The following ASRGL1 variants were observed in gnomAD, a reference collection of about 807,000 sequenced individuals.
The protein encoded by ASRGL1 is asparaginase and isoaspartyl peptidase 1, also known as isoaspartyl peptidase/L-asparaginase.
Under a neutral mutation model 22.4 loss-of-function variants are expected in ASRGL1, and 16 were observed. The observed-to-expected ratio is 0.71, with a 90% confidence interval of 0.48 to 1.08. ASRGL1 has a LOEUF of 1.08. Among genes scored for constraint, ASRGL1 ranks in the 50% least tolerant of loss-of-function variants. The pLI is 0.00. For missense variants in ASRGL1, 412 were observed against 410.1 expected, an observed-to-expected ratio of 1.00 and a Z score of -0.04; for synonymous variants, 165 against 159.3, an observed-to-expected ratio of 1.04 and a Z score of -0.27.
Position 62,357,028 on chromosome 11 carries a change from T to G in ASRGL1, c.375T>G (p.Phe125Leu). The G allele has an allele frequency of 6.2e-7, 1 of 1,614,058 alleles. No homozygotes were observed. Among genetic ancestry groups the G allele is most frequent in the Non-Finnish European group, 8.5e-7 (1 of 1,180,028 alleles). ...TGACTGACCAAGGCGCAGCGCAGTT[T>G]GCAGCAGCTATGGGGGTTCCAGAGA... Reference protein sequence around the residue: ...CFLTDQGAAQFAAAMGVPEIP... With the variant: ...CFLTDQGAAQLAAAMGVPEIP... Residue 125 changes from phenylalanine (F) to leucine (L), a missense_variant, in exon 4 of 7, where the codon TTT becomes TTG. Coordinates refer to ENST00000415229, the MANE Select transcript of ASRGL1 (RefSeq NM_001083926.2).
chr11:62,343,730 C>CAAA (rs71053038), intron 2 of ASRGL1, among the ~76,000 whole-genome samples: 56 of 68,640 alleles, frequency 8.2e-4, no homozygotes, highest in South Asian at 1.2e-3. Flanking sequence ...TCCAGCTCCA[C>CAAA]AAAAAAAAAA....
At chr11:62,372,700 C>G in intron 4 of ASRGL1, 3 of 1,320,994 alleles carry the variant, frequency 2.3e-6, no homozygotes, top group Admixed American at 3.4e-5. Flanking sequence ...CTGGGCTACA[C>G]AGAGCAGAAG....
the ASRGL1 span, among the ~76,000 whole-genome samples, chr11:62,400,037 C>T: frequency 5.3e-5 from 8 of 152,194 alleles, no homozygotes; most frequent in African/African-American, 7.2e-5. Flanking sequence ...CCCACCCATC[C>T]TCCAGAATGA....
At chr11:62,370,510 A>G (rs911624103) in intron 4 of ASRGL1, among the ~76,000 whole-genome samples, 1 of 152,196 alleles carries the variant, frequency 6.6e-6, no homozygotes. Flanking sequence ...AGGACCAGAA[A>G]CAGGACTTAA....
rs979883660 is a variant in ASRGL1, at chr11:62,345,633, G to A, written c.190+7466G>A. Among the ~76,000 whole-genome samples, 4 of 152,092 alleles carry A rather than the reference G, an allele frequency of 2.6e-5. No homozygotes were observed. The South Asian group carries it at 6.2e-4, about 24-fold the overall frequency. On this transcript the variant is annotated intron_variant, in intron 2 of 6. Coordinates refer to ENST00000415229, the MANE Select transcript of ASRGL1 (RefSeq NM_001083926.2). ...GTTATGCACACTTCTGTCCAATGTG[G>A]CTACAAATCAAGGGTTACCATGACC...
At chr11:62,354,873 G>A (rs1414870184) in intron 2 of ASRGL1, among the ~76,000 whole-genome samples, 2 of 152,114 alleles carry the variant, frequency 1.3e-5, no homozygotes, top group African/African-American at 4.8e-5. Context: ...GGAAAAGCAG[G>A]TCAAAGGCCA....
chr11:62,376,426 G>A (rs1946932962), intron 4 of ASRGL1, among the ~76,000 whole-genome samples: 1 of 152,002 alleles, frequency 6.6e-6, no homozygotes, highest in South Asian at 2.1e-4. Flanking sequence ...TTTTCTCCTA[G>A]TGAAACAAGC....
downstream of ASRGL1, among the ~76,000 whole-genome samples, chr11:62,394,014 TATA>T (rs1947397371): frequency 6.9e-6 from 1 of 145,142 alleles, no homozygotes; most frequent in Non-Finnish European, 1.5e-5. Flanking sequence ...ATTTATATAT[TATA>T]ATATATAAAT....
intron 4 of ASRGL1, among the ~76,000 whole-genome samples, chr11:62,362,677 T>A (rs1170925859): frequency 2.2e-5 from 2 of 89,858 alleles, no homozygotes; most frequent in African/African-American, 9.3e-5. Context: ...ATAATATATA[T>A]TATATAAAAT....
chr11:62,339,559 A>G (rs896322108), intron 2 of ASRGL1, among the ~76,000 whole-genome samples: 1 of 152,170 alleles, frequency 6.6e-6, no homozygotes, highest in Non-Finnish European at 1.5e-5. Context: ...AATTTGCTTG[A>G]TTTATTGAAT....
chr11:62,400,897 C>T, the ASRGL1 span, among the ~76,000 whole-genome samples: 1 of 152,198 alleles, frequency 6.6e-6, no homozygotes, highest in African/African-American at 2.4e-5. Flanking sequence ...CAATGAAAAC[C>T]AGACGCCCTG....
At chr11:62,370,193 CAG>C (rs1357020399) in intron 4 of ASRGL1, among the ~76,000 whole-genome samples, 1 of 152,184 alleles carries the variant, frequency 6.6e-6, no homozygotes, top group African/African-American at 2.4e-5. Context: ...TCCATGGACA[CAG>C]GGATCCACAC....
chr11:62,366,737 C>T (rs1204744174), intron 4 of ASRGL1, among the ~76,000 whole-genome samples: 2 of 152,090 alleles, frequency 1.3e-5, no homozygotes, highest in African/African-American at 4.8e-5. Flanking sequence ...CCTTGAGCTC[C>T]TGAGCTCAAG....
At chr11:62,369,259 G>A (rs376273707) in intron 4 of ASRGL1, among the ~76,000 whole-genome samples, 39 of 152,206 alleles carry the variant, frequency 2.6e-4, no homozygotes, top group African/African-American at 9.4e-4. Flanking sequence ...AGTACATCCT[G>A]TATAGCCATA....
At chr11:62,345,690 G>A (rs1945999933) in intron 2 of ASRGL1, among the ~76,000 whole-genome samples, 1 of 152,084 alleles carries the variant, frequency 6.6e-6, no homozygotes, top group East Asian at 1.9e-4. Flanking sequence ...TACTATGATG[G>A]CTCATAGAAC....
chr11:62,362,668 TA>T (rs1565162425), intron 4 of ASRGL1, among the ~76,000 whole-genome samples: 1 of 58,086 alleles, frequency 1.7e-5, no homozygotes, highest in Admixed American at 2.8e-4. Context: ...ATAAAATATA[TA>T]ATATATATTA....
At chr11:62,369,495 C>T (rs945389641) in intron 4 of ASRGL1, among the ~76,000 whole-genome samples, 5 of 152,098 alleles carry the variant, frequency 3.3e-5, no homozygotes, top group Non-Finnish European at 5.9e-5. Context: ...CATCATGGCT[C>T]GTTCTTGACG....
rs559472254 is a variant in ASRGL1 at position 62,372,945 on chromosome 11, G to A, written c.491+15801G>A. ...GAAGAGCAGCATCATTGTGGCAGCC[G>A]ATGAGAGCACCATCAGCTGGGGCCC... On this transcript the variant is annotated intron_variant, in intron 4 of 6. Transcript: ENST00000415229. The A allele has an allele frequency of 1.8e-5, 27 of 1,514,726 alleles. No homozygotes were observed. In the African/African-American group the frequency reaches 2.1e-4, roughly 12 times the overall value. The allele number at this position is 1,514,726 out of a possible 1,614,324, so 93.8% of individuals were successfully genotyped here. A position where few individuals can be genotyped will look rare whatever the true frequency, so the allele number is the denominator to read the frequency against.
intron 3 of ASRGL1, 39 bp from the exon 4 acceptor site, chr11:62,356,948 T>C: frequency 1.3e-6 from 2 of 1,561,182 alleles, no homozygotes; most frequent in Non-Finnish European, 1.7e-6. Flanking sequence ...TTTAAAATTT[T>C]CAAAAAAACA....
Sources: allele counts gnomAD v4.1 joint callset (sites outside exome capture counted in the v4.1 genomes callset), GRCh38; gene constraint gnomAD v4.1.1; transcripts MANE v1.5; gene names NCBI Gene and HGNC (gene_info 2026-07-23, HGNC 2026-07-21).